Variants in ABCA4 observed in about 807,000 individuals in gnomAD.
ABCA4 encodes retinal-specific phospholipid-transporting ATPase ABCA4.
In ABCA4, 196 loss-of-function variants were observed where a neutral mutation model predicts 263.7. The observed-to-expected ratio is 0.74, with a 90% CI of 0.66 to 0.84. The LOEUF is 0.84. Ranked by LOEUF, ABCA4 falls within the 40% of genes least tolerant of loss-of-function variation. ABCA4 has a pLI of 0.00. For missense variants in ABCA4, 2,792 were observed against 2,855.1 expected (o/e 0.98, Z 0.50); for synonymous variants, 1,133 against 1,094.2 (o/e 1.04, Z -0.70).
chr1:94,046,010 T>C (rs1298432761), intron 19 of ABCA4: 2 of 451,720 alleles, frequency 4.4e-6, no homozygotes, highest in Non-Finnish European at 8.9e-6. Context: ...TGCCCTGACC[T>C]TCTGTTACCA....
intron 44 of ABCA4, 107 bp from the exon 45 acceptor site, chr1:94,002,099 C>T (rs1300280320): frequency 1.9e-6 from 3 of 1,544,322 alleles, no homozygotes; most frequent in Admixed American, 3.4e-5. Context: ...GAATGAAATC[C>T]CCAGCTAGGC....
In ABCA4 at chr1:94,103,074, T is replaced by C; in HGVS notation, c.511A>G (p.Ile171Val). The C allele has an allele frequency of 6.2e-7, 1 of 1,614,244 alleles. No individual in the cohort carries two copies. The change falls in exon 5 of 50, where the codon ATC (isoleucine) becomes GTC (valine). Residue 171 changes from isoleucine to valine, a missense_variant. Ile to Val is a conservative substitution (Grantham distance 29). Coordinates refer to ENST00000370225, the MANE Select transcript of ABCA4 (RefSeq NM_000350.3). ...ETLTLFLIKN[I>V]GLSDSVVYLL... ...TAGACCACTGAGTCAGACAGGCCGA[T>C]GTTTTTAATGAGAAATAGTGTCAGT...
At position 94,056,510 on chromosome 1, in the gene ABCA4, C is replaced by T. The variant is rs1660981014; in HGVS notation, c.2382+91G>A. On this transcript the variant is annotated intron_variant, in intron 15 of 49. Coordinates refer to ENST00000370225, the MANE Select transcript of ABCA4 (RefSeq NM_000350.3). ...AACCTTAGGTCAAAGGCAAAGTGGA[C>T]CCCCTCAGAGGGCAGGCTGGGCCTC... The T allele has an allele frequency of 1.9e-5, 26 of 1,367,354 alleles. No individual in the cohort carries two copies. In the South Asian group the frequency reaches 3.1e-4, roughly 16 times the overall value. The allele number at this position is 1,367,354 out of a possible 1,614,324, so 84.7% of individuals were successfully genotyped here.
chr1:94,058,429 T>C (rs1197120245), intron 14 of ABCA4, among the ~76,000 whole-genome samples: 2 of 152,202 alleles, frequency 1.3e-5, no homozygotes, highest in East Asian at 1.9e-4. Context: ...TGATATGATA[T>C]CAGCTCACTG....
rs542919944 is a variant in ABCA4, at chr1:94,055,302, G to A, written c.2396C>T (p.Pro799Leu). 29 of 1,614,022 alleles carry A rather than the reference G, an allele frequency of 1.8e-5. No individual in the cohort carries two copies. In the Admixed American group the frequency reaches 1.8e-4, roughly 10 times the overall value. The change falls in exon 16 of 50, where the codon CCG becomes CTG. Residue 799 changes from proline (P) to leucine (L), a missense_variant. Transcript: ENST00000370225. ...CTCAGTGCCAAATCCAAATGCCACC[G>A]GAGACAGTAAGCTCTGCAGTGAGGC... ...ELKKAVSLLS[P>L]VAFGFGTEYL... is the part of the protein sequence containing the mutation.
At chr1:93,998,756 TATTTG>T (rs1659088716) in intron 47 of ABCA4, among the ~76,000 whole-genome samples, 1 of 145,728 alleles carries the variant, frequency 6.9e-6, no homozygotes, top group African/African-American at 2.7e-5. Context: ...TATTTTATTT[TATTTG>T]AGACAGTCTC....
At chr1:94,008,116 T>C in intron 42 of ABCA4, 119 bp downstream of exon 42, 1 of 909,854 alleles carries the variant, frequency 1.1e-6, no homozygotes, top group Non-Finnish European at 1.8e-6. Context: ...TAAAATTACA[T>C]ATGTGACTTG....
At position 94,044,717 on chromosome 1, in the gene ABCA4, T is replaced by A. The variant is rs1660624678; in HGVS notation, c.2946A>T (p.Pro982=). The A allele has an allele frequency of 3.7e-6, 6 of 1,614,164 alleles. No homozygotes were observed. In the South Asian group the frequency reaches 4.4e-5, roughly 12 times the overall value. Residue 982 remains proline (P), a synonymous_variant, in exon 20 of 50, where the codon CCA becomes CCT. Transcript: ENST00000370225. ...CCCCAACGAGCACAGTCCCAGAGGT[T>A]GGTGGCAACAGACCCGTCAGGATGG... is the stretch of plus-strand genomic sequence containing the variant. ...TLSILTGLLP[P]TSGTVLVGGR...
chr1:94,020,712 C>G (rs1006042492), intron 35 of ABCA4, among the ~76,000 whole-genome samples: 6 of 152,222 alleles, frequency 3.9e-5, no homozygotes, highest in African/African-American at 1.4e-4. Context: ...GGTGCTCCTA[C>G]CAACCCCTCC....
chr1:94,048,894 T>G lies in ABCA4; in HGVS notation c.2717A>C (p.Asp906Ala). 6.2e-7 allele frequency: 1 copy of G among 1,614,148 alleles called. No individual in the cohort carries two copies. Among genetic ancestry groups the G allele is most frequent in the Admixed American group, 1.7e-5 (1 of 60,018 alleles). The change falls in exon 18 of 50, where the codon GAT becomes GCT. Residue 906 changes from aspartate to alanine, a missense_variant. Physicochemically the swap from Asp to Ala is moderately radical, Grantham distance 126. Transcript: ENST00000370225. ...KTEPLTEETE[D>A]PEHPEGIHDS... Reference sequence around the variant, plus strand: ...GTGTATTCCTTCTGGGTGCTCTGGATCCTCCGTTTCCTCTGTTAGGGGCTC... The same window carrying G: ...GTGTATTCCTTCTGGGTGCTCTGGAGCCTCCGTTTCCTCTGTTAGGGGCTC...
At chr1:94,091,632 C>T (rs2101124023) in intron 6 of ABCA4, among the ~76,000 whole-genome samples, 2 of 147,806 alleles carry the variant, frequency 1.4e-5, no homozygotes, top group South Asian at 4.3e-4. Context: ...CACACAATTT[C>T]CTATGCCAAA....
rs574432865 is a variant in ABCA4 at position 94,044,467 on chromosome 1, G to C, written c.3050+146C>G. The C allele has an allele frequency of 4.5e-5, 55 of 1,218,418 alleles. No individual in the cohort carries two copies. The East Asian group carries it at 6.2e-4, about 14-fold the overall frequency. 75.5% of individuals were successfully genotyped at this position (1,218,418 alleles called of 1,614,324 possible). ...AATTCTCACTGCAAGTAGGACAAAG[G>C]ACTTTAAACATAGGGGAAACCAAAT... On this transcript the variant is annotated intron_variant, in intron 20 of 49. Transcript: ENST00000370225.
chr1:94,050,655 A>G (rs1378456357), intron 17 of ABCA4, among the ~76,000 whole-genome samples: 1 of 152,174 alleles, frequency 6.6e-6, no homozygotes, highest in Non-Finnish European at 1.5e-5. Context: ...TTCATTTATT[A>G]TATGATAATT....
In ABCA4 at chr1:94,045,099, C is replaced by T. The variant is rs561719097; in HGVS notation, c.2919-355G>A. Among the ~76,000 whole-genome samples the T allele has an allele frequency of 9.2e-5, 14 of 152,332 alleles. No individual in the cohort carries two copies. The South Asian group carries it at 1.2e-3, about 14-fold the overall frequency. On this transcript the variant is annotated intron_variant, in intron 19 of 49. Transcript: ENST00000370225. ...TTGGAGAGGATCAATAAAAGGTGTT[C>T]GGTGCATGACTCGAGGCGTTGCCTC...
At chr1:94,107,912 C>T (rs556342386) in intron 4 of ABCA4, among the ~76,000 whole-genome samples, 1 of 152,186 alleles carries the variant, frequency 6.6e-6, no homozygotes, top group East Asian at 1.9e-4. Context: ...CTCTTCATTT[C>T]CCCCAGTCCA....
rs139050119 is a variant in ABCA4, at chr1:94,077,744, C to T, written c.1500G>A (p.Arg500=). The T allele has an allele frequency of 1.1e-3, 1,833 of 1,614,132 alleles. 4 individuals are homozygous for T. Among genetic ancestry groups the T allele is most frequent in the Non-Finnish European group, 1.4e-3 (1,686 of 1,180,022 alleles). Residue 500 remains arginine (R), a synonymous_variant, in exon 11 of 50, where the codon AGG becomes AGA. Transcript: ENST00000370225. The part of the protein sequence containing the change: ...QADDMANFDW[R]DIFNITDRTL... ...TGCGATCAGTGATGTTAAATATGTCCCTCCAGTCGAAGTTGGCCATGTCGT... is the reference window on the plus strand; with the variant it reads ...TGCGATCAGTGATGTTAAATATGTCTCTCCAGTCGAAGTTGGCCATGTCGT...
At chr1:94,118,551 G>A (rs1193985724) in intron 1 of ABCA4, among the ~76,000 whole-genome samples, 1 of 152,198 alleles carries the variant, frequency 6.6e-6, no homozygotes, top group African/African-American at 2.4e-5. Context: ...AATCTGTTGG[G>A]GGTGCCTCTG....
intron 13 of ABCA4, chr1:94,061,318 T>G (rs1037259997): frequency 5.8e-6 from 1 of 173,874 alleles, no homozygotes; most frequent in Admixed American, 5.5e-5. Context: ...AATACATCAG[T>G]TATCCAACAG....
chr1:93,996,063 C>T, intron 49 of ABCA4, 46 bp downstream of exon 49: 1 of 1,570,022 alleles, frequency 6.4e-7, no homozygotes, highest in South Asian at 1.1e-5. Context: ...GGGCTCTGAG[C>T]CAAGGAACTG....
Sources: gnomAD v4.1 joint callset for allele counts (sites outside exome capture counted in the v4.1 genomes callset) on GRCh38, gnomAD v4.1.1 for gene constraint, MANE v1.5 for transcripts, NCBI Gene and HGNC (gene_info 2026-07-23, HGNC 2026-07-21) for gene names.